PGAP3: variants seen among roughly 807,000 people sequenced by gnomAD.
PGAP3 encodes the protein GPI-specific phospholipase A2-like PGAP3.
Under a neutral mutation model 40.3 loss-of-function variants are expected in PGAP3, and 31 were observed. That is an observed-to-expected ratio of 0.77 (90% CI 0.58 to 1.04). The LOEUF (loss-of-function observed/expected upper bound fraction) is 1.04. PGAP3 is among the 50% of genes least tolerant of loss of function. The pLI, the probability that PGAP3 is intolerant of heterozygous loss-of-function variation, is 0.00. For missense variants in PGAP3, 413 were observed against 423.0 expected, an observed-to-expected ratio of 0.98 and a Z score of 0.21; for synonymous variants, 191 against 184.5, an observed-to-expected ratio of 1.04 and a Z score of -0.29.
At chr17:39,679,933 C>T (rs753614639) in intron 3 of PGAP3, among the ~76,000 whole-genome samples, 7 of 152,176 alleles carry the variant, frequency 4.6e-5, no homozygotes, top group East Asian at 1.9e-4. Flanking sequence ...TCCTCCTCCC[C>T]GGGCTTCCCT....
intron 1 of PGAP3, 96 bp downstream of exon 1, chr17:39,687,738 G>T: frequency 1.0e-6 from 1 of 996,028 alleles, no homozygotes; most frequent in Non-Finnish European, 1.3e-6. Context: ...AGACCTCGTG[G>T]GGAAACTAAG....
At chr17:39,673,783 ACAGCTGGG>A in intron 5 of PGAP3, 133 bp from the exon 6 acceptor site, 1 of 1,333,958 alleles carries the variant, frequency 7.5e-7, no homozygotes, top group Non-Finnish European at 1.0e-6. Flanking sequence ...CAAACAGGCC[ACAGCTGGG>A]CAGCAAGTGC....
At chr17:39,687,430 C>T (rs560721933) in intron 1 of PGAP3, among the ~76,000 whole-genome samples, 13 of 152,322 alleles carry the variant, frequency 8.5e-5, no homozygotes, top group Non-Finnish European at 1.6e-4. Flanking sequence ...CCTGCCCCCA[C>T]GTCTTCAAAG....
rs546119866 is a variant in PGAP3 at position 39,673,968 on chromosome 17, C to T, written c.557+25G>A. The T allele has an allele frequency of 1.1e-4, 181 of 1,612,954 alleles. 5 individuals carry two copies. The South Asian group carries it at 2.0e-3, about 18-fold the overall frequency. On this transcript the variant is annotated intron_variant, in intron 5 of 7. Coordinates refer to ENST00000300658, the MANE Select transcript of PGAP3 (RefSeq NM_033419.5). ...TCTGCCCCCAGGGTTCGATTTTGCC[C>T]CTGCAGCCACCCAGGCAGGCTCACC...
intron 5 of PGAP3, 35 bp downstream of exon 5, chr17:39,673,958 C>T (rs1222075815): frequency 1.3e-5 from 21 of 1,605,602 alleles, no homozygotes; most frequent in Middle Eastern, 1.7e-4. Context: ...CCCCAGGGTT[C>T]GATTTTGCCC....
At position 39,674,709 on chromosome 17, in the gene PGAP3, G is replaced by T. The variant is rs1478860511; in HGVS notation, c.433-30C>A. On this transcript the variant is annotated intron_variant, in intron 3 of 7. Transcript: ENST00000300658. ...GGAGGGAGGGGCTGGTGAGCATGCT[G>T]CCCCCCACCCTGACCTCAAGGCAGG... 1.9e-6 allele frequency: 3 copies of T among 1,538,946 alleles called. No individual in the cohort carries two copies. In the African/African-American group the frequency reaches 4.1e-5, roughly 21 times the overall value.
In PGAP3 at chr17:39,674,069, G is replaced by T; in HGVS notation, c.496-15C>A. The T allele has an allele frequency of 6.2e-7, 1 of 1,612,142 alleles. No homozygotes were observed. The highest frequency in any genetic ancestry group is 8.5e-7 in the Non-Finnish European group (1 of 1,178,292). On this transcript the variant is annotated splice_polypyrimidine_tract_variant and intron_variant, in intron 4 of 7. Transcript: ENST00000300658. ...TAGTCCATTTTCTGAGGACAGGGAA[G>T]GGTGGTGAGGGACCAGCATGAGGCT... is the stretch of plus-strand genomic sequence containing the variant.
rs202118735 is a variant in PGAP3, at chr17:39,684,659, G to A, written c.370C>T (p.Arg124Cys). The A allele has an allele frequency of 3.4e-5, 55 of 1,613,964 alleles. No individual in the cohort carries two copies. The highest frequency in any genetic ancestry group is 1.6e-4 in the Middle Eastern group (1 of 6,084). ...GAGGCTGGCACGAAGGTGCGGTAGC[G>A]GCAGAGCATCACCAGGCTGGCCAGG... ...NGLASLVMLC[R>C]YRTFVPASSP... Residue 124 changes from arginine to cysteine, a missense_variant, in exon 3 of 8, where the codon CGC (arginine) becomes TGC (cysteine). Physicochemically the swap from Arg to Cys is radical, Grantham distance 180 (BLOSUM62 -3). Transcript: ENST00000300658.
intron 3 of PGAP3, among the ~76,000 whole-genome samples, chr17:39,679,120 A>G (rs2057409583): frequency 6.6e-6 from 1 of 151,998 alleles, no homozygotes; most frequent in Admixed American, 6.6e-5. Flanking sequence ...TAATTTTTGT[A>G]TTCTTAGTAG....
At chr17:39,676,804 A>T (rs2057380665) in intron 3 of PGAP3, 1 of 152,316 alleles carries the variant, frequency 6.6e-6, no homozygotes, top group African/African-American at 2.4e-5. Flanking sequence ...TGAGCAATAC[A>T]AATACAGCGT....
intron 2 of PGAP3, 61 bp downstream of exon 2, chr17:39,685,861 C>A (rs1375470909): frequency 2.4e-5 from 36 of 1,485,676 alleles, no homozygotes; most frequent in Non-Finnish European, 3.3e-5. Flanking sequence ...GTGGTCCAAC[C>A]AGGGGGTATA....
At chr17:39,681,920 TA>T (rs534097001) in intron 3 of PGAP3, among the ~76,000 whole-genome samples, 62 of 149,906 alleles carry the variant, frequency 4.1e-4, no homozygotes, top group Admixed American at 2.2e-3. Context: ...TTAACCCTTA[TA>T]AAAAAAAACC....
At chr17:39,675,125 G>C (rs1455217961) in intron 3 of PGAP3, among the ~76,000 whole-genome samples, 4 of 152,088 alleles carry the variant, frequency 2.6e-5, no homozygotes, top group African/African-American at 9.6e-5. Context: ...GCTCGAGCCA[G>C]CTTGGGGTGT....
chr17:39,674,904 G>A (rs972828729), intron 3 of PGAP3, among the ~76,000 whole-genome samples: 14 of 152,154 alleles, frequency 9.2e-5, no homozygotes, highest in Non-Finnish European at 1.8e-4. Context: ...AAGGCCACGG[G>A]GGGCTGCAGC....
intron 3 of PGAP3, among the ~76,000 whole-genome samples, chr17:39,678,288 T>G (rs12150298): frequency 6.6e-6 from 1 of 151,966 alleles, no homozygotes; most frequent in Non-Finnish European, 1.5e-5. Context: ...TCTACAGAGA[T>G]GGTTTGGGCT....
intron 3 of PGAP3, among the ~76,000 whole-genome samples, chr17:39,682,114 T>C (rs1479330627): frequency 6.7e-6 from 1 of 150,128 alleles, no homozygotes; most frequent in African/African-American, 2.5e-5. Flanking sequence ...TAGTCCCAGC[T>C]ACTTGGGAGG....
chr17:39,684,013 A>C (rs2057474537), intron 3 of PGAP3, among the ~76,000 whole-genome samples: 1 of 151,242 alleles, frequency 6.6e-6, no homozygotes, highest in Non-Finnish European at 1.5e-5. Context: ...CATCCCAGCT[A>C]CTTGGGAGGC....
rs587777252 is a variant in PGAP3, at chr17:39,672,852, T to C, written c.914A>G (p.Asp305Gly). The change falls in exon 8 of 8, where the codon GAC (aspartate) becomes GGC (glycine). Residue 305 changes from aspartate to glycine, a missense_variant. Transcript: ENST00000300658. ...HVLFFSFLED[D>G]SLYLLKESED... ...TGATTCCTTCAGCAGGTACAGGCTG[T>C]CATCTTCCAGAAAGCTGTGGGCCAA... The C allele has an allele frequency of 6.5e-5, 105 of 1,613,998 alleles. No homozygotes were observed. The highest frequency in any genetic ancestry group is 8.5e-5 in the Non-Finnish European group (100 of 1,179,994).
intron 6 of PGAP3, 24 bp from the exon 7 acceptor site, chr17:39,673,279 A>G: frequency 1.4e-5 from 22 of 1,554,280 alleles, no homozygotes; most frequent in Non-Finnish European, 1.9e-5. Flanking sequence ...GGGGCAGGAG[A>G]GACTCATTCC....
Sources: allele counts gnomAD v4.1 joint callset (sites outside exome capture counted in the v4.1 genomes callset), GRCh38; gene constraint gnomAD v4.1.1; transcripts MANE v1.5; gene names NCBI Gene and HGNC (gene_info 2026-07-23, HGNC 2026-07-21).